MTCL1: variants seen among roughly 807,000 people sequenced by gnomAD.
MTCL1 encodes microtubule crosslinking factor 1, also known as microtubule cross-linking factor 1.
In MTCL1, 79 loss-of-function variants were observed where a neutral mutation model predicts 141.4. The observed-to-expected ratio is 0.56, with a 90% CI of 0.47 to 0.67. MTCL1 has a LOEUF of 0.67. MTCL1 is among the 30% of genes least tolerant of loss of function. The pLI, the probability that MTCL1 is intolerant of heterozygous loss-of-function variation, is 0.00. For missense variants in MTCL1, 2,177 were observed against 2,113.9 expected, an observed-to-expected ratio of 1.03 and a Z score of -0.59; for synonymous variants, 914 against 875.8, an observed-to-expected ratio of 1.04 and a Z score of -0.77.
chr18:8,727,548 T>A (rs140486578), intron 4 of MTCL1, among the ~76,000 whole-genome samples: 2 of 152,334 alleles, frequency 1.3e-5, no homozygotes, highest in South Asian at 4.1e-4. Flanking sequence ...TGATTAGTGA[T>A]GTGGAGCATT....
At chr18:8,788,907 A>G (rs536769224) in intron 7 of MTCL1, among the ~76,000 whole-genome samples, 181 of 152,306 alleles carry the variant, frequency 1.2e-3, no homozygotes, top group African/African-American at 4.1e-3. Context: ...AGATGCTCAC[A>G]CTGTGCACTG....
intron 4 of MTCL1, among the ~76,000 whole-genome samples, chr18:8,744,649 A>G (rs1006920725): frequency 2.0e-5 from 3 of 152,076 alleles, no homozygotes; most frequent in Non-Finnish European, 2.9e-5. Flanking sequence ...TTTAGAGTGT[A>G]TGAACCTGAT....
At position 8,830,241 on chromosome 18, in the gene MTCL1, A is replaced by G; in HGVS notation, c.*18+1277A>G. 1.0e-6 allele frequency: 1 copy of G among 985,504 alleles called. No individual in the cohort carries two copies. The highest frequency in any genetic ancestry group is 1.2e-6 in the Non-Finnish European group (1 of 830,070). 61.0% of individuals were successfully genotyped at this position (985,504 alleles called of 1,614,324 possible). On this transcript the variant is annotated intron_variant, in intron 16 of 16. Coordinates refer to ENST00000359865, the Ensembl canonical transcript of MTCL1. The surrounding 1 kb of genome is among the most constrained non-coding windows in gnomAD (Gnocchi z 6.4). ...CTGGTGGAGTTTTAACTGGAGAGGT[A>G]TTTCTGGTTGTCACGGTACTGTTAG...
chr18:8,723,985 G>A (rs1358740266), intron 4 of MTCL1, among the ~76,000 whole-genome samples: 1 of 152,178 alleles, frequency 6.6e-6, no homozygotes, highest in African/African-American at 2.4e-5. Context: ...CCTGGGGCTG[G>A]GGAGAGGGGA....
chr18:8,767,401 G>A (rs569029075), intron 4 of MTCL1, among the ~76,000 whole-genome samples: 13 of 152,204 alleles, frequency 8.5e-5, no homozygotes, highest in African/African-American at 3.1e-4. Flanking sequence ...GTCGGACAGG[G>A]TGTTATTAGG....
At chr18:8,781,310 A>C (rs575197509) in intron 5 of MTCL1, among the ~76,000 whole-genome samples, 1 of 152,136 alleles carries the variant, frequency 6.6e-6, no homozygotes, top group Non-Finnish European at 1.5e-5. Context: ...CTTTCAAAAA[A>C]TACGTCATTA....
chr18:8,719,317 T>C (rs1403755471), intron 3 of MTCL1, among the ~76,000 whole-genome samples: 4 of 152,254 alleles, frequency 2.6e-5, no homozygotes, highest in Non-Finnish European at 5.9e-5. Context: ...AAATCTCATC[T>C]AGCCTTTCAG....
At chr18:8,716,083 G>A (rs1011387407), upstream of MTCL1, among the ~76,000 whole-genome samples, 2 of 152,194 alleles carry the variant, frequency 1.3e-5, no homozygotes, top group Non-Finnish European at 2.9e-5. Context: ...ACTTGGTTAC[G>A]AGTTCACAAC....
upstream of MTCL1, among the ~76,000 whole-genome samples, chr18:8,714,900 C>T (rs1245696691): frequency 6.6e-6 from 1 of 152,102 alleles, no homozygotes; most frequent in East Asian, 1.9e-4. Flanking sequence ...GGGTTCACGC[C>T]ATTCTTCTGC....
chr18:8,739,228 G>T (rs368558930), intron 4 of MTCL1, among the ~76,000 whole-genome samples: 2 of 152,268 alleles, frequency 1.3e-5, no homozygotes, highest in South Asian at 4.1e-4. Context: ...CTGGGCAACA[G>T]AGTGAGACCC....
chr18:8,768,813 A>G (rs1291805069), intron 4 of MTCL1, among the ~76,000 whole-genome samples: 3 of 115,178 alleles, frequency 2.6e-5, no homozygotes, highest in East Asian at 2.8e-4. Flanking sequence ...TTTTTTTGAG[A>G]TGGAGTCTCG....
At position 8,806,993 on chromosome 18, in the gene MTCL1, A is replaced by G. The variant is rs778477238; in HGVS notation, c.2537A>G (p.Gln846Arg). Reference sequence around the variant, plus strand: ...GAGCGTGCCCGACTACGGCTGCAGCAGCAATATGCCAGCGACAAGGCGGCC... The same window carrying G: ...GAGCGTGCCCGACTACGGCTGCAGCGGCAATATGCCAGCGACAAGGCGGCC... The change falls in exon 11 of 17, where the codon CAG becomes CGG. Residue 846 changes from glutamine (Q) to arginine (R), a missense_variant. Physicochemically the swap from Gln to Arg is conservative, Grantham distance 43. Coordinates refer to ENST00000359865, the Ensembl canonical transcript of MTCL1. The G allele has an allele frequency of 2.5e-6, 4 of 1,613,790 alleles. No homozygotes were observed. The African/African-American group carries it at 5.3e-5, about 22-fold the overall frequency.
At chr18:8,727,273 G>A (rs1260991682) in intron 4 of MTCL1, among the ~76,000 whole-genome samples, 1 of 152,074 alleles carries the variant, frequency 6.6e-6, no homozygotes, top group Non-Finnish European at 1.5e-5. Context: ...ATGAGTGTAG[G>A]TATTTTTTTA....
At chr18:8,728,891 T>C (rs904317182) in intron 4 of MTCL1, among the ~76,000 whole-genome samples, 4 of 151,800 alleles carry the variant, frequency 2.6e-5, no homozygotes, top group African/African-American at 9.7e-5. Context: ...CACGCCACCA[T>C]GCCCAGCTTT....
intron 11 of MTCL1, among the ~76,000 whole-genome samples, chr18:8,807,748 T>C (rs965686706): frequency 6.6e-5 from 10 of 152,158 alleles, no homozygotes; most frequent in African/African-American, 4.8e-5. Flanking sequence ...TTGGAAACCA[T>C]TGAATGTCAT....
chr18:8,706,549 G>T, exon 1 of MTCL1: 1 of 1,391,302 alleles, frequency 7.2e-7, no homozygotes, highest in Non-Finnish European at 9.3e-7. Flanking sequence ...CGCGGGGCCC[G>T]GCGTGGCGGA....
At chr18:8,719,050 C>T (rs752234499) in intron 3 of MTCL1, among the ~76,000 whole-genome samples, 1 of 152,052 alleles carries the variant, frequency 6.6e-6, no homozygotes, top group Non-Finnish European at 1.5e-5. Flanking sequence ...ATTTAGGTTT[C>T]TAGGATGTAG....
chr18:8,801,931 A>C (rs1288263105), intron 10 of MTCL1: 3 of 151,846 alleles, frequency 2.0e-5, no homozygotes, highest in Non-Finnish European at 4.4e-5. Flanking sequence ...TGTGTAAATG[A>C]CTCTAATTCC....
rs563433767 is a variant in MTCL1, at chr18:8,742,582, A to T, written c.357+22086A>T. 7.2e-4 allele frequency among the ~76,000 whole-genome samples: 110 copies of T among 152,208 alleles called. 1 individual carries two copies. The highest frequency in any genetic ancestry group is 2.6e-3 in the African/African-American group (110 of 41,534). Reference sequence around the variant, plus strand: ...TCACAAGAATAGTATGGAGGAAACCACCCTCATGATTCTGTTACTTCCATC... The same window carrying T: ...TCACAAGAATAGTATGGAGGAAACCTCCCTCATGATTCTGTTACTTCCATC... On this transcript the variant is annotated intron_variant, in intron 4 of 16. Transcript: ENST00000359865.
Sources: gnomAD v4.1 joint callset for allele counts (sites outside exome capture counted in the v4.1 genomes callset) on GRCh38, gnomAD v4.1.1 for gene constraint, Gnocchi (gnomAD v3.1) non-coding constraint, MANE v1.5 for transcripts, NCBI Gene and HGNC (gene_info 2026-07-23, HGNC 2026-07-21) for gene names.